The following ZBTB20 variants were observed in gnomAD, a reference collection of about 807,000 sequenced individuals.
ZBTB20 encodes zinc finger and BTB domain containing 20, also known as zinc finger and BTB domain-containing protein 20.
In ZBTB20, 9 loss-of-function variants were observed where a neutral mutation model predicts 56.9. That is an observed-to-expected ratio of 0.16 (90% CI 0.10 to 0.28). ZBTB20 has a LOEUF of 0.28. ZBTB20 is among the 10% of genes least tolerant of loss of function. The pLI is 1.00. For missense variants in ZBTB20, 655 were observed against 1,003.0 expected, an observed-to-expected ratio of 0.65 and a Z score of 4.69; for synonymous variants, 417 against 420.7, an observed-to-expected ratio of 0.99 and a Z score of 0.11.
At chr3:114,454,665 T>C (rs1270501992) in intron 7 of ZBTB20, 1 of 151,992 alleles carries the variant, frequency 6.6e-6, no homozygotes, top group African/African-American at 2.4e-5. Flanking sequence ...CCTCCTCCAC[T>C]GCCTCTTTGA....
chr3:114,316,928 G>T lies in ZBTB20; in HGVS notation c.*22077C>A, dbSNP rs555001892. On this transcript the variant is annotated 3_prime_UTR_variant, in exon 12 of 12. Coordinates refer to ENST00000675478, the MANE Select transcript of ZBTB20 (RefSeq NM_001348800.3). ...AAAAGGAAGAAGGAAGGAAAGCTCA[G>T]ATGAGGAAGAATGAAGTATTGTGTT... 4.9e-6 allele frequency: 1 copy of T among 205,388 alleles called. No homozygotes were observed. The highest frequency in any genetic ancestry group is 6.8e-5 in the South Asian group (1 of 14,622). The allele number at this position is 205,388 out of a possible 1,614,324, so 12.7% of individuals were successfully genotyped here.
At chr3:114,414,422 A>AG (rs1336761427) in intron 7 of ZBTB20, among the ~76,000 whole-genome samples, 1 of 152,108 alleles carries the variant, frequency 6.6e-6, no homozygotes, top group East Asian at 1.9e-4. Flanking sequence ...AAGAATCCGG[A>AG]GTTTACTTTC....
At chr3:115,088,847 T>A (rs1188350602) in intron 1 of ZBTB20, among the ~76,000 whole-genome samples, 1 of 151,954 alleles carries the variant, frequency 6.6e-6, no homozygotes, top group East Asian at 1.9e-4. Context: ...ACAATGGATA[T>A]GCCATGAAAT....
intron 3 of ZBTB20, among the ~76,000 whole-genome samples, chr3:114,968,020 T>C (rs1027347591): frequency 1.3e-5 from 2 of 152,064 alleles, no homozygotes; most frequent in Non-Finnish European, 2.9e-5. Context: ...GATCTTAGTG[T>C]TAACTCACAA....
chr3:114,583,248 C>G (rs1456890823), intron 6 of ZBTB20, among the ~76,000 whole-genome samples: 1 of 152,154 alleles, frequency 6.6e-6, no homozygotes, highest in African/African-American at 2.4e-5. Flanking sequence ...AACCACTAAC[C>G]ATGGTACAGA....
At chr3:114,841,169 A>G (rs929961693) in intron 4 of ZBTB20, among the ~76,000 whole-genome samples, 8 of 152,220 alleles carry the variant, frequency 5.3e-5, no homozygotes, top group Non-Finnish European at 1.0e-4. Flanking sequence ...CATTACAGGA[A>G]TGCAATGTAA....
At chr3:114,412,121 C>A (rs556869345) in intron 7 of ZBTB20, among the ~76,000 whole-genome samples, 1 of 152,192 alleles carries the variant, frequency 6.6e-6, no homozygotes, top group African/African-American at 2.4e-5. Flanking sequence ...CAGAAATGAC[C>A]TGGCTATCTT....
At chr3:114,660,023 CTT>C (rs1161503761) in intron 6 of ZBTB20, among the ~76,000 whole-genome samples, 1 of 152,008 alleles carries the variant, frequency 6.6e-6, no homozygotes, top group African/African-American at 2.4e-5. Context: ...CATGAAAAGA[CTT>C]TGAAAAATTG....
chr3:115,081,232 C>T (rs953824451), intron 1 of ZBTB20, among the ~76,000 whole-genome samples: 4 of 152,252 alleles, frequency 2.6e-5, no homozygotes, highest in African/African-American at 4.8e-5. Context: ...CTGGGAATCA[C>T]ATAAATCTCA....
chr3:115,029,459 C>T (rs1424951194), intron 2 of ZBTB20, among the ~76,000 whole-genome samples: 1 of 150,680 alleles, frequency 6.6e-6, no homozygotes, highest in African/African-American at 2.4e-5. Context: ...CTTTTATTAG[C>T]AGGTTTAAAC....
chr3:115,048,168 T>A (rs926802493), intron 2 of ZBTB20, among the ~76,000 whole-genome samples: 22 of 152,158 alleles, frequency 1.4e-4, no homozygotes, highest in African/African-American at 4.6e-4. Context: ...GAGCTTGCAG[T>A]GAGCTGAGTT....
intron 6 of ZBTB20, among the ~76,000 whole-genome samples, chr3:114,667,830 T>C (rs563401797): frequency 6.6e-6 from 1 of 152,046 alleles, no homozygotes; most frequent in East Asian, 1.9e-4. Context: ...CTGGGAAAAA[T>C]GTATTAATGA....
rs191837140 is a variant in ZBTB20 at position 114,774,904 on chromosome 3, T to C, written c.-343+26197A>G. On this transcript the variant is annotated intron_variant, in intron 5 of 11. Transcript: ENST00000675478. ...GTTACCTATTAAAAGCCTTTGTTAG[T>C]GAATAAAAAAAAAGAAAAGAAAAGA... Among the ~76,000 whole-genome samples the C allele has an allele frequency of 8.7e-4, 133 of 152,164 alleles. 3 individuals carry two copies. The highest frequency in any genetic ancestry group is 8.7e-3 in the Admixed American group (133 of 15,280).
chr3:114,815,785 C>T (rs1028844521), intron 4 of ZBTB20, among the ~76,000 whole-genome samples: 4 of 151,848 alleles, frequency 2.6e-5, no homozygotes, highest in African/African-American at 7.3e-5. Context: ...ACCATTTCTC[C>T]GAAATAATAT....
At chr3:114,684,299 GCATTTTTGCAGCATTTTGC>G (rs1477907413) in intron 6 of ZBTB20, among the ~76,000 whole-genome samples, 1 of 152,070 alleles carries the variant, frequency 6.6e-6, no homozygotes, top group Non-Finnish European at 1.5e-5. Flanking sequence ...AAATGCTGAC[GCATTTTTGCAGCATTTTGC>G]CATAATGGGG....
Position 114,336,318 on chromosome 3 carries a change from T to C in ZBTB20, c.*2687A>G, listed in dbSNP as rs1387553477. On this transcript the variant is annotated 3_prime_UTR_variant, in exon 12 of 12. Transcript: ENST00000675478. Reference sequence around the variant, plus strand: ...TAATTAATGCTCCCTCTATTGGTGGTAAGTGGAAATATTAGTCTTACAACA... The same window carrying C: ...TAATTAATGCTCCCTCTATTGGTGGCAAGTGGAAATATTAGTCTTACAACA... The C allele has an allele frequency of 2.0e-5, 3 of 152,192 alleles. No homozygotes were observed. The allele number at this position is 152,192 out of a possible 1,614,324, so 9.4% of individuals were successfully genotyped here.
intron 2 of ZBTB20, among the ~76,000 whole-genome samples, chr3:114,997,276 CCA>C (rs1001455030): frequency 6.6e-6 from 1 of 151,728 alleles, no homozygotes; most frequent in Non-Finnish European, 1.5e-5. Flanking sequence ...ACTGCTAGAT[CCA>C]CAGTGTAGAA....
At chr3:114,706,223 C>G (rs1201694661) in intron 5 of ZBTB20, among the ~76,000 whole-genome samples, 1 of 152,040 alleles carries the variant, frequency 6.6e-6, no homozygotes, top group African/African-American at 2.4e-5. Context: ...ATAAAACCAC[C>G]TATTTTGCAG....
Position 114,317,191 on chromosome 3 carries a change from T to C in ZBTB20, c.*21814A>G, listed in dbSNP as rs1402570703. The C allele has an allele frequency of 6.6e-6, 1 of 152,414 alleles. No individual in the cohort carries two copies. The highest frequency in any genetic ancestry group is 6.5e-5 in the Admixed American group (1 of 15,306). 9.4% of individuals were successfully genotyped at this position (152,414 alleles called of 1,614,324 possible). A position where few individuals can be genotyped will look rare whatever the true frequency, so the allele number is the denominator to read the frequency against. The stretch of plus-strand genomic sequence containing the variant: ...TAAGGCACCAGAGAAATCAAAATGT[T>C]ACAAAAAGATGCAAACCCCATTTCA... On this transcript the variant is annotated 3_prime_UTR_variant, in exon 12 of 12. Transcript: ENST00000675478.
Sources: allele counts gnomAD v4.1 joint callset (sites outside exome capture counted in the v4.1 genomes callset), GRCh38; gene constraint gnomAD v4.1.1; transcripts MANE v1.5; gene names NCBI Gene and HGNC (gene_info 2026-07-23, HGNC 2026-07-21).